The following SANBR variants were observed in gnomAD, a reference collection of about 807,000 sequenced individuals.
SANBR encodes SANT and BTB domain regulator of CSR.
In SANBR, 77 loss-of-function variants were observed where a neutral mutation model predicts 101.8. The ratio of observed to expected loss-of-function variants is 0.76; its 90% CI spans 0.63 to 0.91. SANBR has a LOEUF of 0.91. Ranked by LOEUF, SANBR falls within the 40% of genes least tolerant of loss-of-function variation. SANBR has a pLI of 0.00. For synonymous variants in SANBR, 279 were observed against 274.7 expected (o/e 1.02, Z -0.15); for missense variants, 875 against 853.0 (o/e 1.03, Z -0.32).
At position 61,137,284 on chromosome 2, in the gene SANBR, A is replaced by AAAT. The variant is rs143341543; in HGVS notation, c.*45-158_*45-156dup. Among the ~76,000 whole-genome samples, 704 of 151,358 alleles carry AAAT rather than the reference A, an allele frequency of 4.7e-3. 5 individuals carry two copies. Among genetic ancestry groups the AAAT allele is most frequent in the East Asian group, 0.043 (221 of 5,164 alleles). ...TGGGCAACAGAACGAGACCCTGTCT[A>AAAT]AATAATAATAATAATAATAATAATG... is the stretch of plus-strand genomic sequence containing the variant. On this transcript the variant is annotated intron_variant, in intron 21 of 21. Transcript: ENST00000295031.
rs757163437 is a variant in SANBR, at chr2:61,134,267, T to C, written c.*35T>C. ...TACATGAAAGGACTTGGAATACTGCTTGACATATCGTAAGTGCTCAAAAAT... is the reference window on the plus strand; with the variant it reads ...TACATGAAAGGACTTGGAATACTGCCTGACATATCGTAAGTGCTCAAAAAT... On this transcript the variant is annotated 3_prime_UTR_variant, in exon 21 of 22. Transcript: ENST00000295031. 3.2e-6 allele frequency: 5 copies of C among 1,562,270 alleles called. No individual in the cohort carries two copies. The South Asian group carries it at 3.5e-5, about 11-fold the overall frequency.
At chr2:61,095,360 C>G (rs1682982090) in intron 11 of SANBR, among the ~76,000 whole-genome samples, 1 of 152,042 alleles carries the variant, frequency 6.6e-6, no homozygotes, top group Non-Finnish European at 1.5e-5. Flanking sequence ...AGAACGTGCA[C>G]CTTATAGTTT....
chr2:61,090,815 A>G (rs1682713411), intron 10 of SANBR: 1 of 152,066 alleles, frequency 6.6e-6, no homozygotes, highest in South Asian at 2.1e-4. Flanking sequence ...GCCTCAAGCG[A>G]TCTTCCCACT....
intron 20 of SANBR, among the ~76,000 whole-genome samples, chr2:61,118,665 G>A (rs1270551320): frequency 7.3e-6 from 1 of 136,092 alleles, no homozygotes; most frequent in Admixed American, 7.5e-5. Flanking sequence ...AGGTTCAAGT[G>A]ATTCTCCTGC....
intron 6 of SANBR, among the ~76,000 whole-genome samples, chr2:61,081,014 T>G (rs542374594): frequency 6.6e-6 from 1 of 152,306 alleles, no homozygotes; most frequent in African/African-American, 2.4e-5. Context: ...AATAAATTTT[T>G]TATCTTTCAG....
At chr2:61,120,671 G>T (rs1684291166) in intron 20 of SANBR, among the ~76,000 whole-genome samples, 1 of 152,192 alleles carries the variant, frequency 6.6e-6, no homozygotes, top group Non-Finnish European at 1.5e-5. Flanking sequence ...GCTGCAGTAA[G>T]CCTTGATCGC....
At position 61,123,183 on chromosome 2, in the gene SANBR, A is replaced by T; in HGVS notation, c.*1021A>T. 5 of 980,824 alleles carry T rather than the reference A, an allele frequency of 5.1e-6. No individual in the cohort carries two copies. Among genetic ancestry groups the T allele is most frequent in the Non-Finnish European group, 6.1e-6 (5 of 825,642 alleles). The allele number at this position is 980,824 out of a possible 1,614,324, so 60.8% of individuals were successfully genotyped here. A position where few individuals can be genotyped will look rare whatever the true frequency, so the allele number is the denominator to read the frequency against. ...GTTCCAAACTATAACCATATAATAA[A>T]TTATGTGTTTGTAAATTATATGTAG... is the stretch of plus-strand genomic sequence containing the variant. On this transcript the variant is annotated 3_prime_UTR_variant, in exon 22 of 22. Transcript: ENST00000402291.
At chr2:61,134,420 A>C in intron 21 of SANBR, 1 of 774,974 alleles carries the variant, frequency 1.3e-6, no homozygotes, top group Non-Finnish European at 2.0e-6. Flanking sequence ...TGCCTATTGA[A>C]ATTGTTCCCT....
chr2:61,101,649 T>C lies in SANBR; in HGVS notation c.1366-2204T>C, dbSNP rs374542540. ...TCGGGAGGCTGAGGCAGGAGAATGG[T>C]GTGAACCTGGGAGGTGGAGCTTACA... On this transcript the variant is annotated intron_variant, in intron 12 of 21. Coordinates refer to ENST00000402291, the MANE Select transcript of SANBR (RefSeq NM_001129993.3). Among the ~76,000 whole-genome samples, 7 of 150,934 alleles carry C rather than the reference T, an allele frequency of 4.6e-5. No individual in the cohort carries two copies. In the South Asian group the frequency reaches 1.5e-3, roughly 32 times the overall value.
At chr2:61,106,707 A>G (rs2104938841) in intron 14 of SANBR, 45 bp downstream of exon 14, 10 of 1,129,026 alleles carry the variant, frequency 8.9e-6, no homozygotes, top group Non-Finnish European at 1.2e-5. Flanking sequence ...ATAAATAATT[A>G]ATGACATTTA....
chr2:61,110,349 G>C (rs1335542443), intron 16 of SANBR, among the ~76,000 whole-genome samples: 1 of 152,084 alleles, frequency 6.6e-6, no homozygotes, highest in African/African-American at 2.4e-5. Context: ...TTCGAGAGCA[G>C]CCTGGCCAAC....
At chr2:61,092,668 G>A (rs1018037966) in intron 11 of SANBR, 81 bp downstream of exon 11, 5 of 1,124,558 alleles carry the variant, frequency 4.4e-6, no homozygotes, top group Admixed American at 2.6e-5. Context: ...TAATTGATAT[G>A]TTTAAATGTG....
intron 8 of SANBR, among the ~76,000 whole-genome samples, chr2:61,086,871 G>A (rs961289066): frequency 6.6e-6 from 1 of 151,978 alleles, no homozygotes; most frequent in East Asian, 1.9e-4. Context: ...AACACAGAGA[G>A]GAATTATCCA....
rs116713924 is a variant in SANBR, at chr2:61,073,949, C to T, written c.431+398C>T. On this transcript the variant is annotated intron_variant, in intron 5 of 21. Transcript: ENST00000402291. ...ATAGAAAATTTTAGAATTAAAATGT[C>T]TTTCAGTGTATTGCAAGTTTTGATA... 5.3e-4 allele frequency among the ~76,000 whole-genome samples: 76 copies of T among 144,690 alleles called. 1 individual carries two copies. The highest frequency in any genetic ancestry group is 1.0e-3 in the Non-Finnish European group (67 of 66,816). The allele number at this position is 144,690 out of a possible 152,430, so 94.9% of individuals were successfully genotyped here. A position where few individuals can be genotyped will look rare whatever the true frequency, so the allele number is the denominator to read the frequency against.
Position 61,077,157 on chromosome 2 carries a change from A to C in SANBR, c.669A>C (p.Leu223Phe), listed in dbSNP as rs775894668. Reference protein sequence around the residue: ...KENKDCEMPTLEPGNVISILI... With the variant: ...KENKDCEMPTFEPGNVISILI... ...ATAAAGATTGTGAGATGCCCACTTT[A>C]GGTAAAAAACAATCTGTTGCTTAAT... Residue 223 changes from leucine to phenylalanine, a missense_variant and splice_region_variant, in exon 6 of 22, where the codon TTA (leucine) becomes TTC (phenylalanine). By Grantham distance (22) the Leu-to-Phe change is conservative. Transcript: ENST00000402291. 6.3e-7 allele frequency: 1 copy of C among 1,580,948 alleles called. No individual in the cohort carries two copies. The highest frequency in any genetic ancestry group is 8.7e-7 in the Non-Finnish European group (1 of 1,151,290).
At chr2:61,088,579 G>C (rs1037477942) in intron 10 of SANBR, 111 bp downstream of exon 10, 2 of 679,994 alleles carry the variant, frequency 2.9e-6, no homozygotes, top group Non-Finnish European at 2.3e-6. Context: ...GCGTGCAGTG[G>C]TGTGGTCTTG....
At chr2:61,120,431 T>C (rs1347415411) in intron 20 of SANBR, among the ~76,000 whole-genome samples, 1 of 152,116 alleles carries the variant, frequency 6.6e-6, no homozygotes, top group Non-Finnish European at 1.5e-5. Flanking sequence ...ACCCGGAAGG[T>C]TGAGGTTGCA....
chr2:61,085,471 G>T (rs1682374617), intron 8 of SANBR, among the ~76,000 whole-genome samples: 1 of 151,536 alleles, frequency 6.6e-6, no homozygotes, highest in African/African-American at 2.4e-5. Flanking sequence ...GTGTTCTGTT[G>T]ATTTCTTTGT....
At chr2:61,105,710 T>C (rs1683528372) in intron 13 of SANBR, among the ~76,000 whole-genome samples, 1 of 147,374 alleles carries the variant, frequency 6.8e-6, no homozygotes, top group Admixed American at 6.8e-5. Flanking sequence ...TCTCGCTCTG[T>C]CACCAGGCTG....
Sources: allele counts gnomAD v4.1 joint callset (sites outside exome capture counted in the v4.1 genomes callset), GRCh38; gene constraint gnomAD v4.1.1; transcripts MANE v1.5; gene names NCBI Gene and HGNC (gene_info 2026-07-23, HGNC 2026-07-21).